ISCU: variants seen among roughly 807,000 people sequenced by gnomAD.
ISCU encodes iron-sulfur cluster assembly enzyme.
In ISCU, 13 loss-of-function variants were observed where a neutral mutation model predicts 18.4. That is an observed-to-expected ratio of 0.71 (90% CI 0.46 to 1.12). The LOEUF (loss-of-function observed/expected upper bound fraction) is 1.12. Among genes scored for constraint, ISCU ranks in the 50% most tolerant of loss-of-function variants. ISCU has a pLI of 0.00. For missense variants in ISCU, 229 were observed against 208.7 expected, an observed-to-expected ratio of 1.10 and a Z score of -0.60; for synonymous variants, 104 against 87.5, an observed-to-expected ratio of 1.19 and a Z score of -1.06.
intron 2 of ISCU, 114 bp from the exon 3 acceptor site, chr12:108,565,207 T>A (rs2030832224): frequency 1.3e-6 from 1 of 768,832 alleles, no homozygotes; most frequent in Admixed American, 1.9e-5. Context: ...TGCCATCACT[T>A]AGTGTGGAAA....
At chr12:108,562,940 C>T (rs1010879347) in intron 1 of ISCU, 5 of 392,942 alleles carry the variant, frequency 1.3e-5, no homozygotes, top group Admixed American at 4.5e-5. Flanking sequence ...TTCCAGGGGG[C>T]CCCGCCGCTG....
At chr12:108,564,144 C>T (rs1271093220) in intron 1 of ISCU, 135 bp from the exon 2 acceptor site, 4 of 1,611,302 alleles carry the variant, frequency 2.5e-6, no homozygotes, top group East Asian at 2.2e-5. Context: ...GAGTGTAGAC[C>T]TTTCTACTCA....
chr12:108,565,583 TG>T (rs1358491283), intron 3 of ISCU, 152 bp downstream of exon 3: 6 of 650,852 alleles, frequency 9.2e-6, no homozygotes, highest in Non-Finnish European at 1.6e-5. Context: ...AGGTGTTGTT[TG>T]GGTTTTTTTC....
At position 108,565,343 on chromosome 12, in the gene ISCU, A is replaced by G. The variant is rs2030840245; in HGVS notation, c.251A>G (p.Lys84Arg). 1 of 1,614,016 alleles carries G rather than the reference A, an allele frequency of 6.2e-7. No homozygotes were observed. Among genetic ancestry groups the G allele is most frequent in the Non-Finnish European group, 8.5e-7 (1 of 1,179,866 alleles). Residue 84 changes from lysine to arginine, a missense_variant, in exon 3 of 5, where the codon AAG becomes AGG. By Grantham distance (26) the Lys-to-Arg change is conservative. Transcript: ENST00000311893. ...TAGATTCAAGTGGATGAAAAGGGGAAGATTGTGGATGCTAGGTTTAAAACA... is the reference window on the plus strand; with the variant it reads ...TAGATTCAAGTGGATGAAAAGGGGAGGATTGTGGATGCTAGGTTTAAAACA... ...KLQIQVDEKG[K>R]IVDARFKTFG...
upstream of ISCU, chr12:108,562,576 C>T (rs1379838841): frequency 1.7e-5 from 19 of 1,140,666 alleles, no homozygotes; most frequent in Admixed American, 8.0e-5. Flanking sequence ...CAGACGCGCC[C>T]CGCCCCTCGG....
In ISCU at chr12:108,567,475, C is replaced by T. The variant is rs140519080; in HGVS notation, c.418+207C>T. 57 of 718,844 alleles carry T rather than the reference C, an allele frequency of 7.9e-5. No homozygotes were observed. In the East Asian group the frequency reaches 8.6e-4, roughly 11 times the overall value. The allele number at this position is 718,844 out of a possible 1,614,324, so 44.5% of individuals were successfully genotyped here. A position where few individuals can be genotyped will look rare whatever the true frequency, so the allele number is the denominator to read the frequency against. On this transcript the variant is annotated intron_variant, in intron 4 of 4. Coordinates refer to ENST00000311893, the MANE Select transcript of ISCU (RefSeq NM_213595.4). The stretch of plus-strand genomic sequence containing the variant: ...GAATCATGCCAGAAGGAGGTATGCA[C>T]CAGCCATCATACTGAGCACTTCATG...
chr12:108,567,232 G>C lies in ISCU; in HGVS notation c.382G>C (p.Glu128Gln), dbSNP rs749189743. The change falls in exon 4 of 5, where the codon GAG becomes CAG. Residue 128 changes from glutamate to glutamine, a missense_variant. Transcript: ENST00000311893. ...TATCAAAAACACAGATATCGCCAAG[G>C]AGCTCTGCCTTCCTCCCGTGAAACT... ...LTIKNTDIAK[E>Q]LCLPPVKLHC... 6.2e-7 allele frequency: 1 copy of C among 1,614,088 alleles called. No individual in the cohort carries two copies. The highest frequency in any genetic ancestry group is 8.5e-7 in the Non-Finnish European group (1 of 1,179,980).
chr12:108,563,537 C>T, intron 1 of ISCU: 1 of 168,884 alleles, frequency 5.9e-6, no homozygotes, highest in South Asian at 1.4e-4. Context: ...GGAAGATCGG[C>T]GTGCTTACTA....
intron 2 of ISCU, chr12:108,565,013 G>A (rs1302504768): frequency 2.3e-6 from 1 of 430,344 alleles, no homozygotes; most frequent in Non-Finnish European, 4.2e-6. Context: ...CCCAGCAGCT[G>A]TGAGCAGACT....
chr12:108,564,893 C>T, intron 2 of ISCU: 1 of 260,816 alleles, frequency 3.8e-6, no homozygotes, highest in Non-Finnish European at 7.4e-6. Context: ...TCTTGGAATA[C>T]AGAAACAAAA....
At chr12:108,564,035 T>C in intron 1 of ISCU, 1 of 1,458,670 alleles carries the variant, frequency 6.9e-7, no homozygotes, top group Non-Finnish European at 9.6e-7. Context: ...TAAGACATGA[T>C]TTCACTGATT....
At chr12:108,567,827 AAAG>A in intron 4 of ISCU, 1 of 1,517,034 alleles carries the variant, frequency 6.6e-7, no homozygotes, top group African/African-American at 1.4e-5. Flanking sequence ...ATCCTAAAAA[AAAG>A]CCCAGATGCC....
intron 4 of ISCU, 54 bp downstream of exon 4, chr12:108,567,322 C>A: frequency 6.9e-7 from 1 of 1,443,066 alleles, no homozygotes; most frequent in Non-Finnish European, 9.8e-7. Context: ...GTAATTTCAA[C>A]TTGGTTTGCA....
chr12:108,563,726 C>T lies in ISCU; in HGVS notation c.115-553C>T. On this transcript the variant is annotated intron_variant, in intron 1 of 4. Transcript: ENST00000311893. The stretch of plus-strand genomic sequence containing the variant: ...ACTTGGACTAGCAGCCTTTCAGCAG[C>T]CAGGGTGCGCTGCTGCACCAGGGTG... The T allele has an allele frequency of 6.0e-6, 2 of 335,976 alleles. 1 individual carries two copies. Among genetic ancestry groups the T allele is most frequent in the South Asian group, 5.0e-5 (2 of 39,664 alleles). The allele number at this position is 335,976 out of a possible 1,614,324, so 20.8% of individuals were successfully genotyped here. A position where few individuals can be genotyped will look rare whatever the true frequency, so the allele number is the denominator to read the frequency against.
intron 3 of ISCU, 85 bp downstream of exon 3, chr12:108,565,516 T>C: frequency 1.2e-6 from 1 of 832,328 alleles, no homozygotes; most frequent in Non-Finnish European, 2.0e-6. Flanking sequence ...ATTTCTCCTA[T>C]GCAGATGTTG....
upstream of ISCU, among the ~76,000 whole-genome samples, chr12:108,561,975 G>A (rs981193501): frequency 6.6e-6 from 1 of 152,168 alleles, no homozygotes; most frequent in African/African-American, 2.4e-5. Context: ...CAGGAATTAT[G>A]TCTGTTTTGC....
upstream of ISCU, among the ~76,000 whole-genome samples, chr12:108,561,887 C>T (rs1462613764): frequency 1.3e-5 from 2 of 152,148 alleles, no homozygotes; most frequent in Non-Finnish European, 2.9e-5. Flanking sequence ...CCTTCTTAAG[C>T]TTCCCATTTT....
At chr12:108,565,503 A>T (rs1382758793) in intron 3 of ISCU, 72 bp downstream of exon 3, 3 of 997,564 alleles carry the variant, frequency 3.0e-6, no homozygotes, top group Admixed American at 1.8e-5. Flanking sequence ...CTAAATTTTT[A>T]AAATTTCTCC....
intron 1 of ISCU, chr12:108,563,085 T>A (rs1397965771): frequency 5.4e-6 from 1 of 184,328 alleles, no homozygotes; most frequent in African/African-American, 2.3e-5. Flanking sequence ...TCCGCTGCCC[T>A]GGCCAGATGA....
Sources: allele counts gnomAD v4.1 joint callset (sites outside exome capture counted in the v4.1 genomes callset), GRCh38; gene constraint gnomAD v4.1.1; transcripts MANE v1.5; gene names NCBI Gene and HGNC (gene_info 2026-07-23, HGNC 2026-07-21).